CYP3A43: variants seen among roughly 807,000 people sequenced by gnomAD.
The protein encoded by CYP3A43 is cytochrome P450 family 3 subfamily A member 43, also known as cytochrome P450 3A43.
Under a neutral mutation model 58.0 loss-of-function variants are expected in CYP3A43, and 45 were observed. The observed-to-expected ratio is 0.78, with a 90% CI of 0.61 to 0.99. The LOEUF (loss-of-function observed/expected upper bound fraction) is 0.99, where lower values mean the gene tolerates loss of function less well. Ranked by LOEUF, CYP3A43 falls within the 50% of genes least tolerant of loss-of-function variation. The pLI is 0.00. For missense variants in CYP3A43, 593 were observed against 591.9 expected, an observed-to-expected ratio of 1.00 and a Z score of -0.02; for synonymous variants, 191 against 201.4, an observed-to-expected ratio of 0.95 and a Z score of 0.44.
At chr7:99,845,134 A>G (rs1422710061) in intron 4 of CYP3A43, among the ~76,000 whole-genome samples, 1 of 151,478 alleles carries the variant, frequency 6.6e-6, no homozygotes, top group Non-Finnish European at 1.5e-5. Context: ...ATTTTGTGTT[A>G]ATTTTTTGTC....
intron 11 of CYP3A43, among the ~76,000 whole-genome samples, 192 bp downstream of exon 11, chr7:99,862,031 T>C (rs1227215184): frequency 6.6e-6 from 1 of 151,932 alleles, no homozygotes; most frequent in East Asian, 1.9e-4. Context: ...TCATTAACTA[T>C]GTAATGCCTG....
chr7:99,843,267 G>T (rs1817412767), intron 3 of CYP3A43, among the ~76,000 whole-genome samples: 1 of 151,718 alleles, frequency 6.6e-6, no homozygotes, highest in Admixed American at 6.6e-5. Context: ...AAATTCTGAA[G>T]TTCCCAAAAC....
chr7:99,864,033 A>T (rs1329388346), intron 12 of CYP3A43, among the ~76,000 whole-genome samples: 1 of 148,780 alleles, frequency 6.7e-6, no homozygotes, highest in Non-Finnish European at 1.5e-5. Flanking sequence ...TGCAATGATT[A>T]CTTTGTCAGG....
At position 99,855,726 on chromosome 7, in the gene CYP3A43, CTGG is replaced by C; in HGVS notation, c.798+17_798+19del. ...CTCAAAGATAAACAAAAGGTAAAAT[CTGG>C]TGGTGGTGACATGAGAATGTTCACT... On this transcript the variant is annotated intron_variant, in intron 8 of 12. Coordinates refer to ENST00000354829, the MANE Select transcript of CYP3A43 (RefSeq NM_057095.3). 6.2e-7 allele frequency: 1 copy of C among 1,601,398 alleles called. No individual in the cohort carries two copies. Among genetic ancestry groups the C allele is most frequent in the Non-Finnish European group, 8.5e-7 (1 of 1,173,998 alleles).
At chr7:99,845,800 C>T (rs1330599590) in intron 4 of CYP3A43, among the ~76,000 whole-genome samples, 6 of 148,620 alleles carry the variant, frequency 4.0e-5, no homozygotes, top group East Asian at 2.0e-4. Flanking sequence ...TTTTTTAAGA[C>T]GGTCTCGCTC....
chr7:99,856,791 C>T (rs1351500450), intron 8 of CYP3A43, 42 bp from the exon 9 acceptor site: 4 of 1,606,864 alleles, frequency 2.5e-6, no homozygotes, highest in East Asian at 4.5e-5. Context: ...TCTGACTTCA[C>T]AAGTGACTTT....
Position 99,859,936 on chromosome 7 carries a change from C to A in CYP3A43, c.972C>A (p.His324Gln), listed in dbSNP as rs748635447. 4.3e-6 allele frequency: 7 copies of A among 1,613,390 alleles called. No homozygotes were observed. In the African/African-American group the frequency reaches 9.4e-5, roughly 22 times the overall value. Residue 324 changes from histidine (H) to glutamine (Q), a missense_variant, in exon 10 of 13, where the codon CAC becomes CAA. Physicochemically the swap from His to Gln is conservative, Grantham distance 24. Coordinates refer to ENST00000354829, the MANE Select transcript of CYP3A43 (RefSeq NM_057095.3). ...TCATTATGTATGAACTGGCCACTCACCCTGATGTCCAGCAGAAACTGCAGG... is the reference window on the plus strand; with the variant it reads ...TCATTATGTATGAACTGGCCACTCAACCTGATGTCCAGCAGAAACTGCAGG... Reference protein sequence around the residue: ...LPFIMYELATHPDVQQKLQEE... With the variant: ...LPFIMYELATQPDVQQKLQEE...
intron 3 of CYP3A43, among the ~76,000 whole-genome samples, chr7:99,839,989 A>C (rs917697408): frequency 6.6e-6 from 1 of 152,202 alleles, no homozygotes; most frequent in Non-Finnish European, 1.5e-5. Context: ...TGACAAAGAT[A>C]AGGGAAGATG....
rs746705694 is a variant in CYP3A43, at chr7:99,863,537, G to GTC, written c.1255_1256insCT (p.Phe419SerfsTer10). The GTC allele has an allele frequency of 6.3e-7, 1 of 1,594,808 alleles. No individual in the cohort carries two copies. The highest frequency in any genetic ancestry group is 1.8e-5 in the Admixed American group (1 of 55,038). ...TTTTTATGTACTACTGTGAAAGTAG[G>GTC]TTCAGTAAGAAGAACAAGGACAGCA... On this transcript the variant is annotated frameshift_variant and splice_region_variant, in exon 12 of 13. Coordinates refer to ENST00000354829, the MANE Select transcript of CYP3A43 (RefSeq NM_057095.3). LOFTEE classifies it high-confidence loss of function.
rs1038182227 is a variant in CYP3A43 at position 99,844,127 on chromosome 7, G to A, written c.219-16G>A. Reference sequence around the variant, plus strand: ...AGGCAAGCGAGGTTTAGTCAGCTCTGTTTTCCCCCACACAGGCTGTATGAG... The same window carrying A: ...AGGCAAGCGAGGTTTAGTCAGCTCTATTTTCCCCCACACAGGCTGTATGAG... On this transcript the variant is annotated splice_polypyrimidine_tract_variant and intron_variant, in intron 3 of 12. Coordinates refer to ENST00000354829, the MANE Select transcript of CYP3A43 (RefSeq NM_057095.3). The A allele has an allele frequency of 1.2e-6, 2 of 1,604,500 alleles. No homozygotes were observed. The highest frequency in any genetic ancestry group is 1.7e-6 in the Non-Finnish European group (2 of 1,175,734).
rs549983979 is a variant in CYP3A43, at chr7:99,828,944, T to C, written c.71+758T>C. The stretch of plus-strand genomic sequence containing the variant: ...TAATACTTATTCTTTGGAGCACTGC[T>C]ACCTGAGAGACTTTATCTCCACAAT... On this transcript the variant is annotated intron_variant, in intron 1 of 12. Transcript: ENST00000354829. Among the ~76,000 whole-genome samples, 21 of 152,366 alleles carry C rather than the reference T, an allele frequency of 1.4e-4. No homozygotes were observed. The South Asian group carries it at 4.4e-3, about 32-fold the overall frequency.
intron 1 of CYP3A43, among the ~76,000 whole-genome samples, chr7:99,835,850 C>G (rs1056401054): frequency 2.6e-5 from 4 of 152,194 alleles, no homozygotes. Flanking sequence ...AATGGCAAAC[C>G]TTCCTCTGGG....
At chr7:99,862,044 T>C (rs1273106293) in intron 11 of CYP3A43, among the ~76,000 whole-genome samples, 4 of 148,540 alleles carry the variant, frequency 2.7e-5, no homozygotes, top group African/African-American at 1.1e-4. Flanking sequence ...AATGCCTGTC[T>C]TGTAGGCATT....
chr7:99,863,465 C>A, intron 11 of CYP3A43, 72 bp from the exon 12 acceptor site: 2 of 1,350,772 alleles, frequency 1.5e-6, no homozygotes, highest in Non-Finnish European at 2.0e-6. Flanking sequence ...AGCCACCACA[C>A]CCTGCATAAC....
chr7:99,837,484 T>A (rs1817145334), intron 2 of CYP3A43, among the ~76,000 whole-genome samples: 1 of 152,166 alleles, frequency 6.6e-6, no homozygotes, highest in Non-Finnish European at 1.5e-5. Flanking sequence ...CCAGGATGTA[T>A]TTTACAGATT....
At chr7:99,847,270 A>G (rs1021242385) in intron 4 of CYP3A43, among the ~76,000 whole-genome samples, 1 of 151,926 alleles carries the variant, frequency 6.6e-6, no homozygotes, top group Non-Finnish European at 1.5e-5. Context: ...ACTGGAAACC[A>G]CACCATTTGC....
chr7:99,841,304 C>T (rs1305177912), intron 3 of CYP3A43, among the ~76,000 whole-genome samples: 1 of 152,194 alleles, frequency 6.6e-6, no homozygotes. Context: ...CTAATGTTTA[C>T]TGGAATGCCC....
Position 99,866,002 on chromosome 7 carries a change from C to T in CYP3A43, c.*1C>T, listed in dbSNP as rs1278594275. ...AGATGGGATTACAAGTGGACCCTGA[C>T]TTTCCCTAAGGACTTCCACTTTGTT... On this transcript the variant is annotated 3_prime_UTR_variant, in exon 13 of 13. Coordinates refer to ENST00000354829, the MANE Select transcript of CYP3A43 (RefSeq NM_057095.3). 12 of 1,586,646 alleles carry T rather than the reference C, an allele frequency of 7.6e-6. No individual in the cohort carries two copies. The highest frequency in any genetic ancestry group is 1.3e-5 in the African/African-American group (1 of 74,088).
chr7:99,849,675 T>A lies in CYP3A43; in HGVS notation c.651T>A (p.Asp217Glu). The change falls in exon 7 of 13, where the codon GAT becomes GAA. Residue 217 changes from aspartate (D) to glutamate (E), a missense_variant. Coordinates refer to ENST00000354829, the MANE Select transcript of CYP3A43 (RefSeq NM_057095.3). ...AGCTTTTAAAATTGGATTTTTTGGA[T>A]CCCTTTTTACTCTTAATATGTATGT... is the stretch of plus-strand genomic sequence containing the variant. Reference protein sequence around the residue: ...MKKLLKLDFLDPFLLLISLFP... With the variant: ...MKKLLKLDFLEPFLLLISLFP... The A allele has an allele frequency of 6.2e-7, 1 of 1,609,140 alleles. No individual in the cohort carries two copies. The highest frequency in any genetic ancestry group is 8.5e-7 in the Non-Finnish European group (1 of 1,178,554).
Sources: gnomAD v4.1 joint callset for allele counts (sites outside exome capture counted in the v4.1 genomes callset) on GRCh38, gnomAD v4.1.1 for gene constraint, MANE v1.5 for transcripts, NCBI Gene and HGNC (gene_info 2026-07-23, HGNC 2026-07-21) for gene names.